MKX: variants seen among roughly 807,000 people sequenced by gnomAD.
MKX encodes mohawk homeobox, also known as homeobox protein Mohawk.
Under a neutral mutation model 36.0 loss-of-function variants are expected in MKX, and 13 were observed. That is an observed-to-expected ratio of 0.36 (90% CI 0.24 to 0.57). MKX has a LOEUF of 0.57. MKX is among the 20% of genes least tolerant of loss of function. The pLI is 0.79. For missense variants in MKX, 458 were observed against 456.4 expected, an observed-to-expected ratio of 1.00 and a Z score of -0.03; for synonymous variants, 176 against 178.3, an observed-to-expected ratio of 0.99 and a Z score of 0.10.
At chr10:27,688,345 A>C (rs1257061544) in intron 5 of MKX, among the ~76,000 whole-genome samples, 1 of 152,246 alleles carries the variant, frequency 6.6e-6, no homozygotes, top group East Asian at 1.9e-4. Flanking sequence ...CTCTGGGCAA[A>C]AGCCCATCAG....
chr10:27,726,652 CTCTT>C (rs1834495254), intron 5 of MKX, among the ~76,000 whole-genome samples: 1 of 151,266 alleles, frequency 6.6e-6, no homozygotes, highest in Non-Finnish European at 1.5e-5. Context: ...TTTCATTTTA[CTCTT>C]TCTATGTTTT....
At chr10:27,681,921 CAAG>C (rs1836261925) in intron 5 of MKX, among the ~76,000 whole-genome samples, 1 of 137,302 alleles carries the variant, frequency 7.3e-6, no homozygotes, top group Non-Finnish European at 1.5e-5. Context: ...GACTACGTCT[CAAG>C]AAAAAAAAAA....
chr10:27,722,035 T>C (rs898729322), intron 5 of MKX, among the ~76,000 whole-genome samples: 2 of 152,218 alleles, frequency 1.3e-5, no homozygotes, highest in Non-Finnish European at 2.9e-5. Context: ...ATTATAAGTA[T>C]ATAACATGTA....
At chr10:27,686,938 C>A (rs184446014) in intron 5 of MKX, among the ~76,000 whole-genome samples, 26 of 152,114 alleles carry the variant, frequency 1.7e-4, no homozygotes, top group African/African-American at 6.0e-4. Context: ...CCTTCAACTG[C>A]CTTTCTGTCA....
Position 27,741,644 on chromosome 10 carries a change from G to A in MKX, c.189-140C>T, listed in dbSNP as rs547886202. On this transcript the variant is annotated intron_variant, in intron 2 of 6. Coordinates refer to ENST00000419761, the MANE Select transcript of MKX (RefSeq NM_173576.3). The surrounding 1 kb of genome is among the most constrained non-coding windows in gnomAD (Gnocchi z 5.1). The stretch of plus-strand genomic sequence containing the variant: ...CCCCTGCTTTGCGCGCGCCCAGAGT[G>A]TTTGGGAGAGGCAGGAAGTGGGAGC... 36 of 951,864 alleles carry A rather than the reference G, an allele frequency of 3.8e-5. No homozygotes were observed. In the South Asian group the frequency reaches 6.4e-4, roughly 17 times the overall value. The allele number at this position is 951,864 out of a possible 1,614,324, so 59.0% of individuals were successfully genotyped here.
chr10:27,678,399 C>G lies in MKX; in HGVS notation c.839-2845G>C, dbSNP rs183239121. On this transcript the variant is annotated intron_variant, in intron 5 of 6. Coordinates refer to ENST00000419761, the MANE Select transcript of MKX (RefSeq NM_173576.3). The stretch of plus-strand genomic sequence containing the variant: ...TGGAGATATTTATTCAATGGAAAGA[C>G]TTGGCAAAAGCAGAATAATTTCCGT... Among the ~76,000 whole-genome samples, 21 of 152,332 alleles carry G rather than the reference C, an allele frequency of 1.4e-4. No homozygotes were observed. The East Asian group carries it at 3.5e-3, about 25-fold the overall frequency.
chr10:27,745,657 C>G (rs2132666212), intron 1 of MKX, 50 bp downstream of exon 1: 1 of 152,486 alleles, frequency 6.6e-6, no homozygotes, highest in South Asian at 2.1e-4. Flanking sequence ...CCAGAGCGAG[C>G]CTGGCGTTCC....
intron 5 of MKX, among the ~76,000 whole-genome samples, chr10:27,704,679 A>G (rs1378989448): frequency 6.6e-6 from 1 of 152,184 alleles, no homozygotes. Context: ...GTCACACCAT[A>G]TTATACTATA....
chr10:27,723,221 T>C (rs1412878626), intron 5 of MKX, among the ~76,000 whole-genome samples: 1 of 152,152 alleles, frequency 6.6e-6, no homozygotes, highest in Non-Finnish European at 1.5e-5. Context: ...AGTGCACAGT[T>C]AGATAAGCTA....
chr10:27,682,909 G>A (rs1836280179), intron 5 of MKX, among the ~76,000 whole-genome samples: 1 of 151,806 alleles, frequency 6.6e-6, no homozygotes, highest in East Asian at 1.9e-4. Context: ...AACCTGGGAG[G>A]CAGAGGTGGC....
chr10:27,672,915 ACTC>A lies in MKX; in HGVS notation c.*2311_*2313del, dbSNP rs1446778993. 6.6e-6 allele frequency: 1 copy of A among 152,158 alleles called. No individual in the cohort carries two copies. The highest frequency in any genetic ancestry group is 1.5e-5 in the Non-Finnish European group (1 of 68,022). The allele number at this position is 152,158 out of a possible 1,614,324, so 9.4% of individuals were successfully genotyped here. A position where few individuals can be genotyped will look rare whatever the true frequency, so the allele number is the denominator to read the frequency against. The stretch of plus-strand genomic sequence containing the variant: ...AACTTTTATTTTAAATCTGTCAAGA[ACTC>A]CTGGCAGTTATTAATTTTATTAAAA... On this transcript the variant is annotated 3_prime_UTR_variant, in exon 7 of 7. Coordinates refer to ENST00000419761, the MANE Select transcript of MKX (RefSeq NM_173576.3).
At chr10:27,735,156 A>C (rs1476774428) in intron 4 of MKX, 65 bp downstream of exon 4, 11 of 1,435,292 alleles carry the variant, frequency 7.7e-6, no homozygotes, top group Non-Finnish European at 9.2e-6. Flanking sequence ...CCTTAAAAAT[A>C]GCAATTATGG....
rs748367959 is a variant in MKX at position 27,734,591 on chromosome 10, T to A, written c.703A>T (p.Met235Leu). The stretch of plus-strand genomic sequence containing the variant: ...CCCATCATGGTAGTGTTCGTGGCCA[T>A]GACATGTCTCAAAGAGTCATTAAGG... ...RYLNDSLRHV[M>L]ATNTTMMGKT... The change falls in exon 5 of 7, where the codon ATG (methionine) becomes TTG (leucine). Residue 235 changes from methionine to leucine, a missense_variant. Coordinates refer to ENST00000419761, the MANE Select transcript of MKX (RefSeq NM_173576.3). The A allele has an allele frequency of 1.2e-6, 2 of 1,614,182 alleles. No individual in the cohort carries two copies. The highest frequency in any genetic ancestry group is 1.7e-6 in the Non-Finnish European group (2 of 1,180,026).
At chr10:27,700,605 T>C (rs975702694) in intron 5 of MKX, among the ~76,000 whole-genome samples, 3 of 152,266 alleles carry the variant, frequency 2.0e-5, no homozygotes, top group African/African-American at 7.2e-5. Flanking sequence ...TGCTGTTATA[T>C]CTACATAACA....
At chr10:27,677,015 C>T (rs1268290308) in intron 5 of MKX, among the ~76,000 whole-genome samples, 4 of 152,072 alleles carry the variant, frequency 2.6e-5, no homozygotes. Context: ...ATGAGTAACA[C>T]AAAAATTTAC....
rs139722718 is a variant in MKX, at chr10:27,734,703, G to T, written c.591C>A (p.Val197=). 5.5e-5 allele frequency: 89 copies of T among 1,614,040 alleles called. 1 individual carries two copies. In the Middle Eastern group the frequency reaches 2.1e-3, roughly 39 times the overall value. ...ACTCTGGCCTCACTCCCGCTTTGAT[G>T]ACCGAATTCTCACTTTTAATCACAG... The part of the protein sequence containing the change: ...HHPVIKSENS[V]IKAGVRPESR... Residue 197 remains valine (V), a synonymous_variant, in exon 5 of 7, where the codon GTC becomes GTA. Coordinates refer to ENST00000419761, the MANE Select transcript of MKX (RefSeq NM_173576.3).
chr10:27,680,383 A>AAAAAAAAAAAAAAAAAAAAAAG (rs1554768913), intron 5 of MKX, among the ~76,000 whole-genome samples: 3 of 143,138 alleles, frequency 2.1e-5, no homozygotes, highest in Non-Finnish European at 3.0e-5. Flanking sequence ...AAAAAAAAAA[A>AAAAAAAAAAAAAAAAAAAAAAG]AGGTGTGTAG....
At position 27,743,433 on chromosome 10, in the gene MKX, ACG is replaced by A; in HGVS notation, c.-20_-19del. 6.6e-7 allele frequency: 1 copy of A among 1,522,954 alleles called. No individual in the cohort carries two copies. Among genetic ancestry groups the A allele is most frequent in the Non-Finnish European group, 8.8e-7 (1 of 1,139,496 alleles). 94.3% of individuals were successfully genotyped at this position (1,522,954 alleles called of 1,614,324 possible). ...GTGTTCATGGTGTCGGTTGGTAGGG[ACG>A]CGCGGCGCGGCCGCAGAGCCTCGGG... is the stretch of plus-strand genomic sequence containing the variant. On this transcript the variant is annotated 5_prime_UTR_variant, in exon 2 of 7. Transcript: ENST00000419761.
chr10:27,725,820 G>A (rs1834476136), intron 5 of MKX, among the ~76,000 whole-genome samples: 1 of 152,112 alleles, frequency 6.6e-6, no homozygotes, highest in African/African-American at 2.4e-5. Context: ...GGTCTCGTCA[G>A]TGTATAAAGC....
Sources: gnomAD v4.1 joint callset for allele counts (sites outside exome capture counted in the v4.1 genomes callset) on GRCh38, gnomAD v4.1.1 for gene constraint, Gnocchi (gnomAD v3.1) non-coding constraint, MANE v1.5 for transcripts, NCBI Gene and HGNC (gene_info 2026-07-23, HGNC 2026-07-21) for gene names.